Variants in ENTREP1 observed in about 807,000 individuals in gnomAD.
ENTREP1 encodes the protein endosomal transmembrane epsin interactor 1, also known as Friedreich ataxia region gene X123.
the ENTREP1 span, among the ~76,000 whole-genome samples, chr9:69,390,048 G>A: frequency 6.6e-6 from 1 of 152,162 alleles, no homozygotes; most frequent in African/African-American, 2.4e-5. Flanking sequence ...AGCTGGCTTC[G>A]CATCTTGGAG....
chr9:69,382,088 C>CA, the ENTREP1 span: 974 of 152,422 alleles, frequency 6.4e-3, 6 homozygotes, highest in Non-Finnish European at 0.011. Context: ...GAGAAAAAGT[C>CA]AAGTGTTTAT....
chr9:69,356,580 A>G, the ENTREP1 span, among the ~76,000 whole-genome samples: 2 of 152,218 alleles, frequency 1.3e-5, no homozygotes, highest in African/African-American at 4.8e-5. Flanking sequence ...AGAAAATTAG[A>G]GAGGCACAGA....
the ENTREP1 span, among the ~76,000 whole-genome samples, chr9:69,354,609 A>G: frequency 6.6e-6 from 1 of 152,126 alleles, no homozygotes; most frequent in Non-Finnish European, 1.5e-5. Context: ...ACTGAGTTAC[A>G]TTGCATCCCC....
chr9:69,358,608 G>C, the ENTREP1 span, among the ~76,000 whole-genome samples: 1 of 152,124 alleles, frequency 6.6e-6, no homozygotes, highest in Admixed American at 6.5e-5. Context: ...GGAATTAAAA[G>C]ACAAAACAGA....
At chr9:69,373,274 TGTAA>T in the ENTREP1 span, among the ~76,000 whole-genome samples, 187 of 152,252 alleles carry the variant, frequency 1.2e-3, no homozygotes, top group African/African-American at 4.4e-3. Context: ...AGGATCATGT[TGTAA>T]GTGTTGTTTT....
At chr9:69,342,971 G>A in the ENTREP1 span, among the ~76,000 whole-genome samples, 6 of 152,330 alleles carry the variant, frequency 3.9e-5, no homozygotes, top group East Asian at 3.9e-4. Flanking sequence ...ATTCATCTAC[G>A]GTTGGAATCA....
the ENTREP1 span, among the ~76,000 whole-genome samples, chr9:69,362,596 T>C: frequency 6.6e-6 from 1 of 152,194 alleles, no homozygotes; most frequent in Non-Finnish European, 1.5e-5. Context: ...AAGACTTAAC[T>C]CATTGTGATG....
the ENTREP1 span, chr9:69,325,332 C>CG: frequency 8.5e-7 from 1 of 1,172,158 alleles, no homozygotes. Flanking sequence ...GTGGTGCTCC[C>CG]GGGCTCCTGC....
chr9:69,363,760 A>G, the ENTREP1 span, among the ~76,000 whole-genome samples: 1 of 152,124 alleles, frequency 6.6e-6, no homozygotes, highest in African/African-American at 2.4e-5. Context: ...CTGTTGGTTG[A>G]GCTTCACTGG....
At chr9:69,340,679 A>ATGTGTGTG in the ENTREP1 span, among the ~76,000 whole-genome samples, 9 of 39,452 alleles carry the variant, frequency 2.3e-4, no homozygotes, top group East Asian at 4.6e-3. Context: ...GTGTGTGTGC[A>ATGTGTGTG]TGCATGTGTG....
the ENTREP1 span, chr9:69,384,045 A>G: frequency 7.1e-6 from 11 of 1,548,272 alleles, no homozygotes; most frequent in African/African-American, 4.1e-5. Context: ...ACATTGTGAC[A>G]TGATTCAGTA....
At chr9:69,390,722 C>T in the ENTREP1 span, among the ~76,000 whole-genome samples, 2 of 152,086 alleles carry the variant, frequency 1.3e-5, no homozygotes, top group Admixed American at 1.3e-4. Flanking sequence ...TCACTGCAGC[C>T]TTGAAATCCT....
chr9:69,324,918 G>A, the ENTREP1 span: 11 of 985,016 alleles, frequency 1.1e-5, no homozygotes, highest in African/African-American at 1.9e-4. Flanking sequence ...GCCGTGAGGT[G>A]CCTCCCACCT....
chr9:69,329,598 T>A, the ENTREP1 span: 1 of 985,158 alleles, frequency 1.0e-6, no homozygotes, highest in Non-Finnish European at 1.2e-6. Flanking sequence ...ATTTGATTTC[T>A]TCCTGGTATC....
the ENTREP1 span, among the ~76,000 whole-genome samples, chr9:69,332,569 C>T: frequency 6.6e-6 from 1 of 152,096 alleles, no homozygotes; most frequent in Non-Finnish European, 1.5e-5. Flanking sequence ...TGATGTTTCT[C>T]ATTTGTCATG....
the ENTREP1 span, among the ~76,000 whole-genome samples, chr9:69,326,148 G>A: frequency 4.6e-5 from 7 of 152,150 alleles, no homozygotes; most frequent in Non-Finnish European, 1.0e-4. Context: ...AGAATGCCTG[G>A]CACATAGTAG....
chr9:69,333,007 C>T, the ENTREP1 span, among the ~76,000 whole-genome samples: 3 of 152,032 alleles, frequency 2.0e-5, no homozygotes, highest in Non-Finnish European at 2.9e-5. Flanking sequence ...TTCCAATGCA[C>T]ATGAAGAGAT....
At chr9:69,372,371 C>A in the ENTREP1 span, among the ~76,000 whole-genome samples, 2 of 152,130 alleles carry the variant, frequency 1.3e-5, no homozygotes, top group Non-Finnish European at 2.9e-5. Flanking sequence ...CTGGCAATCA[C>A]CATTTCACAT....
At chr9:69,367,597 T>A in the ENTREP1 span, among the ~76,000 whole-genome samples, 1 of 138,176 alleles carries the variant, frequency 7.2e-6, no homozygotes, top group African/African-American at 2.7e-5. Flanking sequence ...TTCCTGGGTG[T>A]TTTATATATA....
Sources: allele counts gnomAD v4.1 joint callset (sites outside exome capture counted in the v4.1 genomes callset), GRCh38; gene constraint gnomAD v4.1.1; transcripts MANE v1.5; gene names NCBI Gene and HGNC (gene_info 2026-07-23, HGNC 2026-07-21).